DIP2B: variants seen among roughly 807,000 people sequenced by gnomAD.
The protein encoded by DIP2B is disco-interacting protein 2 homolog B.
Under a neutral mutation model 198.0 loss-of-function variants are expected in DIP2B, and 76 were observed. The observed-to-expected ratio is 0.38, with a 90% CI of 0.32 to 0.46. The LOEUF (loss-of-function observed/expected upper bound fraction) is 0.46, where lower values mean the gene tolerates loss of function less well. DIP2B is among the 20% of genes least tolerant of loss of function. The probability of loss-of-function intolerance (pLI) is 0.99; values close to 1 mark genes in which losing one functional copy is unlikely to be tolerated. For missense variants in DIP2B, 1,559 were observed against 1,978.4 expected (o/e 0.79, Z 4.02); for synonymous variants, 701 against 739.1 (o/e 0.95, Z 0.84).
rs538007912 is a variant in DIP2B, at chr12:50,625,876, A to G, written c.101-100A>G. 41 of 1,195,708 alleles carry G rather than the reference A, an allele frequency of 3.4e-5. No individual in the cohort carries two copies. The African/African-American group carries it at 5.1e-4, about 15-fold the overall frequency. 74.1% of individuals were successfully genotyped at this position (1,195,708 alleles called of 1,614,324 possible). ...CCCCCCCCCAACCCCCTGCCTCTAT[A>G]TGGGGTAGTTCTATAACTCTGTAAT... On this transcript the variant is annotated intron_variant, in intron 1 of 37. Transcript: ENST00000301180.
At chr12:50,545,812 T>C (rs1958372396) in intron 1 of DIP2B, among the ~76,000 whole-genome samples, 1 of 152,016 alleles carries the variant, frequency 6.6e-6, no homozygotes, top group South Asian at 2.1e-4. Flanking sequence ...GTTTTTTGTA[T>C]TTTTAGTAGA....
At position 50,678,693 on chromosome 12, in the gene DIP2B, C is replaced by A. The variant is rs1409060536; in HGVS notation, c.931C>A (p.Pro311Thr). 6.2e-7 allele frequency: 1 copy of A among 1,613,982 alleles called. No homozygotes were observed. Among genetic ancestry groups the A allele is most frequent in the African/African-American group, 1.3e-5 (1 of 75,000 alleles). Reference sequence around the variant, plus strand: ...TCCTGGTACAGTACCTCAGCCAGACCCCAACCAGCCCAAGCCGGAGGGACG... The same window carrying A: ...TCCTGGTACAGTACCTCAGCCAGACACCAACCAGCCCAAGCCGGAGGGACG... ...EEIVEVPQPD[P>T]NQPKPEGRQM... Residue 311 changes from proline (P) to threonine (T), a missense_variant, in exon 8 of 38, where the codon CCC becomes ACC. Coordinates refer to ENST00000301180, the MANE Select transcript of DIP2B (RefSeq NM_173602.3).
chr12:50,581,708 G>T (rs2139420076), intron 1 of DIP2B, among the ~76,000 whole-genome samples: 1 of 134,042 alleles, frequency 7.5e-6, no homozygotes, highest in African/African-American at 2.8e-5. Context: ...GAGTCACCGG[G>T]CAGCACAAGG....
At chr12:50,622,370 G>A (rs1937830580) in intron 1 of DIP2B, among the ~76,000 whole-genome samples, 1 of 152,172 alleles carries the variant, frequency 6.6e-6, no homozygotes, top group Non-Finnish European at 1.5e-5. Flanking sequence ...AAGGACCATT[G>A]TGATTAAATT....
intron 1 of DIP2B, among the ~76,000 whole-genome samples, chr12:50,608,268 A>T (rs1380159083): frequency 6.6e-6 from 1 of 152,202 alleles, no homozygotes. Context: ...AAGAAACAAA[A>T]ATGCAATTTA....
chr12:50,566,920 C>G (rs576449740), intron 1 of DIP2B, among the ~76,000 whole-genome samples: 2 of 143,264 alleles, frequency 1.4e-5, no homozygotes, highest in Admixed American at 1.5e-4. Context: ...TGCAGTGAGC[C>G]GAGATCGCGC....
chr12:50,747,676 AAC>A lies in DIP2B; in HGVS notation c.*2841_*2842del, dbSNP rs1331015414. The A allele has an allele frequency of 2.0e-5, 3 of 152,384 alleles. No homozygotes were observed. In the East Asian group the frequency reaches 5.8e-4, roughly 29 times the overall value. The allele number at this position is 152,384 out of a possible 1,614,324, so 9.4% of individuals were successfully genotyped here. On this transcript the variant is annotated 3_prime_UTR_variant, in exon 38 of 38. Transcript: ENST00000301180. Reference sequence around the variant, plus strand: ...GGCCTGAAAGGCCATTACTAATAGAAACACAGCCTTTCCAATCCTCTGGAACA... The same window carrying A: ...GGCCTGAAAGGCCATTACTAATAGAAACAGCCTTTCCAATCCTCTGGAACA...
At chr12:50,507,084 C>T (rs1366315091) in intron 1 of DIP2B, among the ~76,000 whole-genome samples, 2 of 152,176 alleles carry the variant, frequency 1.3e-5, no homozygotes, top group Non-Finnish European at 2.9e-5. Context: ...CTGATTAGCT[C>T]ACCTCTCTCT....
At chr12:50,624,901 G>A (rs1449969240) in intron 1 of DIP2B, among the ~76,000 whole-genome samples, 1 of 152,142 alleles carries the variant, frequency 6.6e-6, no homozygotes, top group Non-Finnish European at 1.5e-5. Context: ...ATCATCCACT[G>A]CAGCATTGGA....
intron 1 of DIP2B, among the ~76,000 whole-genome samples, chr12:50,506,009 G>A (rs1039866237): frequency 2.0e-5 from 3 of 151,846 alleles, no homozygotes; most frequent in African/African-American, 7.3e-5. Context: ...ATTGGGACAG[G>A]GAGGGTTCGA....
chr12:50,590,409 G>T (rs1958809071), intron 1 of DIP2B, among the ~76,000 whole-genome samples: 1 of 150,878 alleles, frequency 6.6e-6, no homozygotes, highest in Non-Finnish European at 1.5e-5. Flanking sequence ...TTGCTCTGTT[G>T]CCCAGGCTGG....
At chr12:50,520,238 G>A (rs1353638878) in intron 1 of DIP2B, among the ~76,000 whole-genome samples, 12 of 151,778 alleles carry the variant, frequency 7.9e-5, no homozygotes, top group African/African-American at 2.7e-4. Flanking sequence ...GGGTTTCACC[G>A]TGTTGGCCAG....
chr12:50,655,975 A>C (rs1007787312), intron 3 of DIP2B, among the ~76,000 whole-genome samples: 4 of 152,226 alleles, frequency 2.6e-5, no homozygotes, highest in Non-Finnish European at 4.4e-5. Context: ...ACCCTGTCCC[A>C]AAAATAAAAA....
chr12:50,706,713 A>T (rs368421829), intron 21 of DIP2B, 48 bp downstream of exon 21: 1 of 1,596,072 alleles, frequency 6.3e-7, no homozygotes, highest in South Asian at 1.1e-5. Context: ...TGGAATCTAA[A>T]TACATCTTCA....
intron 1 of DIP2B, among the ~76,000 whole-genome samples, chr12:50,556,784 A>G (rs1958475561): frequency 6.6e-6 from 1 of 152,116 alleles, no homozygotes; most frequent in Middle Eastern, 3.4e-3. Flanking sequence ...ATCTTGGCTC[A>G]CTGCAACCTC....
chr12:50,626,079 A>G, intron 2 of DIP2B, 32 bp downstream of exon 2: 1 of 1,605,536 alleles, frequency 6.2e-7, no homozygotes, highest in South Asian at 1.1e-5. Flanking sequence ...CAACTTTTTC[A>G]GTATTTTTAC....
At chr12:50,520,411 AT>A (rs1958106916) in intron 1 of DIP2B, among the ~76,000 whole-genome samples, 1 of 152,176 alleles carries the variant, frequency 6.6e-6, no homozygotes, top group Non-Finnish European at 1.5e-5. Flanking sequence ...TGTTTAGTAA[AT>A]CTGTGACAAA....
At chr12:50,588,135 T>TC (rs907795844) in intron 1 of DIP2B, among the ~76,000 whole-genome samples, 4 of 137,076 alleles carry the variant, frequency 2.9e-5, no homozygotes, top group African/African-American at 1.0e-4. Context: ...GTACTTCTTT[T>TC]CTTTTTTTTT....
Position 50,748,588 on chromosome 12 carries a change from G to A in DIP2B, c.*3749G>A, listed in dbSNP as rs1158707346. Reference sequence around the variant, plus strand: ...TATACGTTTTTAAATTTAACATCTGGCTGGACAGTGTTCTATTAACTCATT... The same window carrying A: ...TATACGTTTTTAAATTTAACATCTGACTGGACAGTGTTCTATTAACTCATT... On this transcript the variant is annotated 3_prime_UTR_variant, in exon 38 of 38. Transcript: ENST00000301180. 1 of 152,514 alleles carries A rather than the reference G, an allele frequency of 6.6e-6. No homozygotes were observed. The highest frequency in any genetic ancestry group is 1.5e-5 in the Non-Finnish European group (1 of 68,022). The allele number at this position is 152,514 out of a possible 1,614,324, so 9.4% of individuals were successfully genotyped here.
Sources: gnomAD v4.1 joint callset for allele counts (sites outside exome capture counted in the v4.1 genomes callset) on GRCh38, gnomAD v4.1.1 for gene constraint, MANE v1.5 for transcripts, NCBI Gene and HGNC (gene_info 2026-07-23, HGNC 2026-07-21) for gene names.